CNTN6: variants seen among roughly 807,000 people sequenced by gnomAD.
CNTN6 encodes contactin-6.
Under a neutral mutation model 122.8 loss-of-function variants are expected in CNTN6, and 137 were observed. The observed-to-expected ratio is 1.12, with a 90% confidence interval of 0.97 to 1.29. The LOEUF (loss-of-function observed/expected upper bound fraction) is 1.29. CNTN6 is among the 50% of genes most tolerant of loss of function. The pLI, the probability that CNTN6 is intolerant of heterozygous loss-of-function variation, is 0.00. For synonymous variants in CNTN6, 570 were observed against 426.0 expected, an observed-to-expected ratio of 1.34 and a Z score of -4.16; for missense variants, 1,634 against 1,223.4, an observed-to-expected ratio of 1.34 and a Z score of -5.01.
intron 1 of CNTN6, among the ~76,000 whole-genome samples, chr3:1,115,276 C>T (rs1172369070): frequency 2.0e-5 from 3 of 152,070 alleles, no homozygotes; most frequent in African/African-American, 7.2e-5. Context: ...ATGATGAGCA[C>T]AGATAAATGA....
At chr3:1,348,860 T>A (rs903430308) in intron 11 of CNTN6, among the ~76,000 whole-genome samples, 1 of 151,984 alleles carries the variant, frequency 6.6e-6, no homozygotes, top group African/African-American at 2.4e-5. Context: ...AAGCATTCGA[T>A]GAGTTGACAT....
chr3:1,358,607 C>T (rs1575847303), intron 12 of CNTN6, among the ~76,000 whole-genome samples: 1 of 151,906 alleles, frequency 6.6e-6, no homozygotes, highest in East Asian at 1.9e-4. Flanking sequence ...GGTTGAAGGG[C>T]GTGGAAGGGG....
At chr3:1,225,488 G>A (rs1424106479) in intron 3 of CNTN6, among the ~76,000 whole-genome samples, 2 of 152,186 alleles carry the variant, frequency 1.3e-5, no homozygotes, top group Non-Finnish European at 2.9e-5. Flanking sequence ...TTAGGAGCAT[G>A]TAATGATGAC....
At chr3:1,219,008 T>G (rs558281880) in intron 2 of CNTN6, among the ~76,000 whole-genome samples, 77 of 152,342 alleles carry the variant, frequency 5.1e-4, no homozygotes, top group African/African-American at 1.8e-3. Flanking sequence ...GGCAAGCCAT[T>G]TGAAAGCATC....
At chr3:1,226,910 T>C (rs1229197325) in intron 3 of CNTN6, among the ~76,000 whole-genome samples, 4 of 152,226 alleles carry the variant, frequency 2.6e-5, no homozygotes, top group Non-Finnish European at 5.9e-5. Flanking sequence ...ATGGTCTATG[T>C]GACTATACAC....
chr3:1,330,934 C>A (rs1384114094), intron 11 of CNTN6, among the ~76,000 whole-genome samples: 2 of 151,870 alleles, frequency 1.3e-5, no homozygotes, highest in African/African-American at 4.8e-5. Context: ...TGTAGAACTT[C>A]CAATGTTTCA....
At chr3:1,386,306 C>G (rs1326586559) in intron 20 of CNTN6, among the ~76,000 whole-genome samples, 1 of 152,092 alleles carries the variant, frequency 6.6e-6, no homozygotes, top group Non-Finnish European at 1.5e-5. Flanking sequence ...CACATGTGAT[C>G]CTACAACTGT....
intron 4 of CNTN6, among the ~76,000 whole-genome samples, chr3:1,231,431 C>T (rs1042212623): frequency 2.0e-5 from 3 of 152,174 alleles, no homozygotes; most frequent in South Asian, 2.1e-4. Flanking sequence ...ATGGCAGAAA[C>T]GCTGCAGGGA....
At position 1,383,342 on chromosome 3, in the gene CNTN6, T is replaced by G. The variant is rs749739993; in HGVS notation, c.2451T>G (p.Ser817=). 20 of 1,614,080 alleles carry G rather than the reference T, an allele frequency of 1.2e-5. No individual in the cohort carries two copies. In the East Asian group the frequency reaches 4.5e-4, roughly 36 times the overall value. ...CTTCTCTCCAGAGTTTTTCTGCTTC[T>G]GAAATGGAGGTTTCATGGAATGCTA... ...RGTSLQSFSA[S]EMEVSWNAIA... Residue 817 remains serine (S), a synonymous_variant, in exon 19 of 23, where the codon TCT becomes TCG. Transcript: ENST00000446702.
intron 17 of CNTN6, among the ~76,000 whole-genome samples, chr3:1,378,944 T>G (rs1327510289): frequency 1.3e-5 from 2 of 152,168 alleles, no homozygotes; most frequent in African/African-American, 4.8e-5. Flanking sequence ...ACACTGACTT[T>G]CAAATGAGTC....
chr3:1,317,566 G>A (rs1005336386), intron 7 of CNTN6, among the ~76,000 whole-genome samples: 3 of 151,740 alleles, frequency 2.0e-5, no homozygotes, highest in South Asian at 2.1e-4. Flanking sequence ...TGTTAGTTTC[G>A]GATTTCAGAG....
In CNTN6 at chr3:1,297,874, T is replaced by G. The variant is rs1250248079; in HGVS notation, c.659-15T>G. 25 of 1,589,918 alleles carry G rather than the reference T, an allele frequency of 1.6e-5. No individual in the cohort carries two copies. Among genetic ancestry groups the G allele is most frequent in the Non-Finnish European group, 2.1e-5 (24 of 1,163,088 alleles). The stretch of plus-strand genomic sequence containing the variant: ...ATTCTCCAGAAATGCTGCTAGCTCT[T>G]TTGATATTTAACAGGTGTGATGGGG... On this transcript the variant is annotated splice_polypyrimidine_tract_variant and intron_variant, in intron 6 of 22. Coordinates refer to ENST00000446702, the MANE Select transcript of CNTN6 (RefSeq NM_001289080.2).
Position 1,173,306 on chromosome 3 carries a change from G to A in CNTN6, c.55+25243G>A, listed in dbSNP as rs555835719. The stretch of plus-strand genomic sequence containing the variant: ...GCTAAGTGCCCTTATATCACCTGGC[G>A]GTTTGCAAAGAGGTGAGTGTGAATG... On this transcript the variant is annotated intron_variant, in intron 2 of 22. Transcript: ENST00000446702. 8.8e-5 allele frequency: 40 copies of A among 456,556 alleles called. 1 individual carries two copies. The highest frequency in any genetic ancestry group is 7.8e-4 in the Admixed American group (33 of 42,564). The allele number at this position is 456,556 out of a possible 1,614,324, so 28.3% of individuals were successfully genotyped here.
chr3:1,347,525 G>T (rs1704920977), intron 11 of CNTN6, among the ~76,000 whole-genome samples: 2 of 152,094 alleles, frequency 1.3e-5, no homozygotes, highest in African/African-American at 4.8e-5. Flanking sequence ...ACCAAGGAGA[G>T]TCTGGGGACT....
At chr3:1,134,382 A>G (rs2092418434) in intron 1 of CNTN6, among the ~76,000 whole-genome samples, 1 of 152,074 alleles carries the variant, frequency 6.6e-6, no homozygotes, top group South Asian at 2.1e-4. Context: ...CTTTCCACTG[A>G]GCTAGTCTCC....
intron 4 of CNTN6, among the ~76,000 whole-genome samples, chr3:1,259,722 T>G (rs766887578): frequency 3.3e-5 from 5 of 152,136 alleles, no homozygotes; most frequent in Non-Finnish European, 5.9e-5. Flanking sequence ...TTCTCATTCA[T>G]GAAACTAGAA....
intron 2 of CNTN6, among the ~76,000 whole-genome samples, chr3:1,160,124 T>C (rs925584206): frequency 3.9e-5 from 6 of 151,984 alleles, no homozygotes; most frequent in Admixed American, 2.0e-4. Context: ...CGGCCAATCA[T>C]TCAGTTTTTA....
chr3:1,202,336 C>G (rs753622642), intron 2 of CNTN6, among the ~76,000 whole-genome samples: 17 of 151,948 alleles, frequency 1.1e-4, no homozygotes, highest in Non-Finnish European at 2.1e-4. Context: ...CTCAGGATAT[C>G]AAGACCATCC....
At chr3:1,306,007 A>G (rs1698297449) in intron 7 of CNTN6, among the ~76,000 whole-genome samples, 1 of 152,190 alleles carries the variant, frequency 6.6e-6, no homozygotes, top group South Asian at 2.1e-4. Flanking sequence ...TTTTCAAGTC[A>G]CTTAAGATGA....
Sources: allele counts gnomAD v4.1 joint callset (sites outside exome capture counted in the v4.1 genomes callset), GRCh38; gene constraint gnomAD v4.1.1; transcripts MANE v1.5; gene names NCBI Gene and HGNC (gene_info 2026-07-23, HGNC 2026-07-21).